DOCK9: variants seen among roughly 807,000 people sequenced by gnomAD.
DOCK9 encodes the protein dedicator of cytokinesis protein 9.
Under a neutral mutation model 263.3 loss-of-function variants are expected in DOCK9, and 89 were observed. That is an observed-to-expected ratio of 0.34 (90% CI 0.28 to 0.40). The LOEUF (loss-of-function observed/expected upper bound fraction) is 0.40. Among genes scored for constraint, DOCK9 ranks in the 10% least tolerant of loss-of-function variants. DOCK9 has a pLI of 1.00. For missense variants in DOCK9, 2,140 were observed against 2,603.4 expected, an observed-to-expected ratio of 0.82 and a Z score of 3.87; for synonymous variants, 976 against 973.1, an observed-to-expected ratio of 1.00 and a Z score of -0.06.
At chr13:99,043,896 G>A (rs1247630772) in intron 1 of DOCK9, among the ~76,000 whole-genome samples, 1 of 152,084 alleles carries the variant, frequency 6.6e-6, no homozygotes, top group Non-Finnish European at 1.5e-5. Flanking sequence ...CAATACTGGT[G>A]TGACCATCCC....
chr13:99,001,517 G>C (rs1882297213), intron 1 of DOCK9, among the ~76,000 whole-genome samples: 1 of 152,218 alleles, frequency 6.6e-6, no homozygotes, highest in South Asian at 2.1e-4. Context: ...AGAGGTAGCA[G>C]GGTAACTTTT....
intron 49 of DOCK9, among the ~76,000 whole-genome samples, 191 bp from the exon 50 acceptor site, chr13:98,800,669 G>C (rs2090013755): frequency 2.0e-5 from 3 of 152,154 alleles, no homozygotes; most frequent in Non-Finnish European, 4.4e-5. Context: ...TTACAATCGT[G>C]TGTCTCGTAA....
intron 2 of DOCK9, among the ~76,000 whole-genome samples, chr13:98,944,636 G>A (rs1292047808): frequency 3.9e-5 from 6 of 152,102 alleles, no homozygotes; most frequent in Admixed American, 3.9e-4. Context: ...AGGGCACATG[G>A]GGACACAGCT....
chr13:98,818,974 G>A (rs2140490094), intron 45 of DOCK9, among the ~76,000 whole-genome samples: 1 of 152,264 alleles, frequency 6.6e-6, no homozygotes, highest in East Asian at 1.9e-4. Context: ...TACCTATGAA[G>A]CTAGATGCCA....
At chr13:98,988,658 A>G (rs1250581675) in intron 1 of DOCK9, among the ~76,000 whole-genome samples, 1 of 152,222 alleles carries the variant, frequency 6.6e-6, no homozygotes, top group African/African-American at 2.4e-5. Flanking sequence ...AAGACTTAAA[A>G]CTGAAGCTCA....
At chr13:98,925,787 C>A in intron 4 of DOCK9, 50 bp downstream of exon 4, 1 of 1,303,276 alleles carries the variant, frequency 7.7e-7, no homozygotes, top group Admixed American at 2.6e-5. Context: ...TCCCCCCAAG[C>A]ATTTCAAGTA....
At chr13:99,023,026 T>C (rs1886304393) in intron 1 of DOCK9, among the ~76,000 whole-genome samples, 1 of 152,126 alleles carries the variant, frequency 6.6e-6, no homozygotes, top group South Asian at 2.1e-4. Context: ...AAATGTAAAA[T>C]AGTGCAGCTG....
chr13:98,810,746 T>G (rs1297405346), intron 45 of DOCK9, among the ~76,000 whole-genome samples: 1 of 152,210 alleles, frequency 6.6e-6, no homozygotes, highest in Non-Finnish European at 1.5e-5. Flanking sequence ...GGGGGCACCG[T>G]GCCTGCTTCA....
At chr13:98,965,118 C>T (rs575641797) in intron 1 of DOCK9, among the ~76,000 whole-genome samples, 25 of 152,198 alleles carry the variant, frequency 1.6e-4, no homozygotes, top group African/African-American at 4.1e-4. Context: ...GAGATGAGGC[C>T]GGAGTGGCAG....
At chr13:98,935,469 T>C (rs1426320745) in intron 2 of DOCK9, among the ~76,000 whole-genome samples, 2 of 152,152 alleles carry the variant, frequency 1.3e-5, no homozygotes, top group East Asian at 3.8e-4. Flanking sequence ...TCTATCACTA[T>C]TTCAGAGAAA....
chr13:99,006,538 G>A (rs1459383626), intron 1 of DOCK9, among the ~76,000 whole-genome samples: 2 of 152,100 alleles, frequency 1.3e-5, no homozygotes, highest in African/African-American at 2.4e-5. Flanking sequence ...GAACTTTATG[G>A]GCATAAGAAA....
chr13:98,970,439 C>T (rs1197948996), intron 1 of DOCK9, among the ~76,000 whole-genome samples: 3 of 152,262 alleles, frequency 2.0e-5, no homozygotes, highest in Admixed American at 6.5e-5. Flanking sequence ...GCTACTACCT[C>T]TGTCTGATAT....
chr13:98,998,374 C>T (rs1422027041), intron 1 of DOCK9, among the ~76,000 whole-genome samples: 7 of 152,202 alleles, frequency 4.6e-5, no homozygotes, highest in African/African-American at 1.7e-4. Flanking sequence ...TTTGTCTAGG[C>T]ATAGAGACAA....
chr13:98,838,147 T>TA (rs1236171784), intron 38 of DOCK9, among the ~76,000 whole-genome samples: 2 of 152,060 alleles, frequency 1.3e-5, no homozygotes, highest in African/African-American at 4.8e-5. Context: ...ACAACGCAGG[T>TA]TAAGAAAATG....
chr13:98,950,863 A>G (rs1190265851), intron 2 of DOCK9, among the ~76,000 whole-genome samples: 2 of 152,196 alleles, frequency 1.3e-5, no homozygotes, highest in African/African-American at 4.8e-5. Flanking sequence ...TGTCCCCACC[A>G]ACAGGACCAT....
At chr13:98,997,866 G>T (rs1246478737) in intron 1 of DOCK9, among the ~76,000 whole-genome samples, 1 of 152,198 alleles carries the variant, frequency 6.6e-6, no homozygotes, top group Non-Finnish European at 1.5e-5. Flanking sequence ...CTAACGAGAG[G>T]TCTGTTCTGC....
chr13:98,798,432 C>G (rs2089701519), intron 50 of DOCK9, among the ~76,000 whole-genome samples: 1 of 152,178 alleles, frequency 6.6e-6, no homozygotes, highest in African/African-American at 2.4e-5. Context: ...AGGGGGACCT[C>G]TGAGCCGGGG....
At chr13:98,989,356 A>T (rs1314369160) in intron 1 of DOCK9, among the ~76,000 whole-genome samples, 1 of 131,168 alleles carries the variant, frequency 7.6e-6, no homozygotes, top group South Asian at 2.5e-4. Context: ...GATAATAATA[A>T]TAATAATAAT....
chr13:98,940,200 G>A (rs2055582337), intron 2 of DOCK9, among the ~76,000 whole-genome samples: 1 of 152,162 alleles, frequency 6.6e-6, no homozygotes, highest in Admixed American at 6.5e-5. Context: ...AACCCACGAT[G>A]TTCTATTAAC....
Sources: allele counts gnomAD v4.1 joint callset (sites outside exome capture counted in the v4.1 genomes callset), GRCh38; gene constraint gnomAD v4.1.1; transcripts MANE v1.5; gene names NCBI Gene and HGNC (gene_info 2026-07-23, HGNC 2026-07-21).